The following AARS1 variants were observed in gnomAD, a reference collection of about 807,000 sequenced individuals.
AARS1 encodes the protein alanine--tRNA ligase, cytoplasmic.
AARS1 carries 72 observed loss-of-function variants against 108.9 expected under a neutral mutation model. That is an observed-to-expected ratio of 0.66 (90% CI 0.55 to 0.80). The LOEUF is 0.80. Ranked by LOEUF, AARS1 falls within the 30% of genes least tolerant of loss-of-function variation. AARS1 has a pLI of 0.00. For missense variants in AARS1, 1,193 were observed against 1,233.2 expected (o/e 0.97, Z 0.49); for synonymous variants, 489 against 465.7 (o/e 1.05, Z -0.64).
At chr16:70,266,042 T>C (rs1274030591) in intron 9 of AARS1, among the ~76,000 whole-genome samples, 8 of 145,262 alleles carry the variant, frequency 5.5e-5, no homozygotes, top group Non-Finnish European at 9.1e-5. Context: ...GGCCAGGCGC[T>C]GTGGCTCACG....
chr16:70,264,164 TG>T (rs2152157821), intron 11 of AARS1, among the ~76,000 whole-genome samples: 1 of 151,118 alleles, frequency 6.6e-6, no homozygotes, highest in East Asian at 2.1e-4. Context: ...GAGAATCGCT[TG>T]AACCCAGGAG....
Position 70,279,670 on chromosome 16 carries a change from CA to C in AARS1, c.145-2517del, listed in dbSNP as rs367753826. On this transcript the variant is annotated intron_variant, in intron 2 of 20. Transcript: ENST00000261772. Reference sequence around the variant, plus strand: ...AGCAAAACTCTGTCTCAAAAAAAAACAAAAAAAAAAAAAAAAAGAAAAGTTT... The same window carrying C: ...AGCAAAACTCTGTCTCAAAAAAAAACAAAAAAAAAAAAAAAAGAAAAGTTT... Among the ~76,000 whole-genome samples, 754 of 114,572 alleles carry C rather than the reference CA, an allele frequency of 6.6e-3. 8 individuals carry two copies. The highest frequency in any genetic ancestry group is 0.021 in the African/African-American group (653 of 30,490). 75.2% of individuals were successfully genotyped at this position (114,572 alleles called of 152,430 possible). A position where few individuals can be genotyped will look rare whatever the true frequency, so the allele number is the denominator to read the frequency against.
Position 70,271,857 on chromosome 16 carries a change from C to T in AARS1, c.595G>A (p.Asp199Asn). ...TCCTGGTTGACAAGATGTGCGGCGT[C>T]CCGACCACCAATCCGGTCGTAGTGG... ...EIHYDRIGGR[D>N]AAHLVNQDDP... The change falls in exon 5 of 21, where the codon GAC becomes AAC. Residue 199 changes from aspartate to asparagine, a missense_variant. Transcript: ENST00000261772. 6.2e-7 allele frequency: 1 copy of T among 1,614,168 alleles called. No homozygotes were observed. Among genetic ancestry groups the T allele is most frequent in the Non-Finnish European group, 8.5e-7 (1 of 1,180,034 alleles).
intron 19 of AARS1, 39 bp from the exon 20 acceptor site, chr16:70,253,420 A>G: frequency 6.6e-7 from 1 of 1,504,012 alleles, no homozygotes. Context: ...GTGCTGGAGC[A>G]GGGACCCTCA....
At chr16:70,257,506 C>T (rs1960020268) in intron 15 of AARS1, among the ~76,000 whole-genome samples, 1 of 152,210 alleles carries the variant, frequency 6.6e-6, no homozygotes, top group African/African-American at 2.4e-5. Context: ...CCCAAAAAGG[C>T]CCAGAGAGAT....
At position 70,255,820 on chromosome 16, in the gene AARS1, T is replaced by G; in HGVS notation, c.2194A>C (p.Ser732Arg). 6.2e-7 allele frequency: 1 copy of G among 1,613,882 alleles called. No homozygotes were observed. Among genetic ancestry groups the G allele is most frequent in the Non-Finnish European group, 8.5e-7 (1 of 1,179,918 alleles). ...ACGATCACAAAAGCTCCTGCATGAC[T>G]CGAGTTCCGCAGGTGCCTGAATGGC... ...FCGGTHLRNSSHAGAFVIVTE... is the reference protein window; with the variant it reads ...FCGGTHLRNSRHAGAFVIVTE... The change falls in exon 16 of 21, where the codon AGT (serine) becomes CGT (arginine). Residue 732 changes from serine to arginine, a missense_variant. Ser to Arg is a moderately radical substitution (Grantham distance 110). Coordinates refer to ENST00000261772, the MANE Select transcript of AARS1 (RefSeq NM_001605.3).
intron 12 of AARS1, 143 bp from the exon 13 acceptor site, chr16:70,261,300 A>C: frequency 1.7e-6 from 1 of 600,632 alleles, no homozygotes; most frequent in African/African-American, 1.8e-5. Context: ...AATATCATTA[A>C]ATATGATTAA....
At chr16:70,254,879 T>G in intron 16 of AARS1, 145 bp from the exon 17 acceptor site, 1 of 669,958 alleles carries the variant, frequency 1.5e-6, no homozygotes, top group South Asian at 1.5e-5. Context: ...GAGTAGGTGC[T>G]GGCAGCCCCA....
At chr16:70,277,777 A>C (rs1389121307) in intron 2 of AARS1, among the ~76,000 whole-genome samples, 1 of 129,704 alleles carries the variant, frequency 7.7e-6, no homozygotes, top group Non-Finnish European at 1.6e-5. Flanking sequence ...TTTTTTTTTG[A>C]GATGGGTCAC....
At chr16:70,271,060 G>A (rs1314267536) in intron 5 of AARS1, among the ~76,000 whole-genome samples, 1 of 151,588 alleles carries the variant, frequency 6.6e-6, no homozygotes, top group East Asian at 2.0e-4. Context: ...GCTGAGGCAG[G>A]AGAACTCAGC....
At chr16:70,269,187 G>C (rs1960333409) in intron 7 of AARS1, among the ~76,000 whole-genome samples, 1 of 152,064 alleles carries the variant, frequency 6.6e-6, no homozygotes, top group Non-Finnish European at 1.5e-5. Context: ...AGGCATGGTG[G>C]CTCATGCCTG....
chr16:70,270,244 G>T lies in AARS1; in HGVS notation c.768C>A (p.Ser256=). The change falls in exon 6 of 21, where the codon TCC becomes TCA. Residue 256 remains serine, a synonymous_variant. Coordinates refer to ENST00000261772, the MANE Select transcript of AARS1 (RefSeq NM_001605.3). ...RLVSVLQNKM[S]NYDTDLFVPY... is the part of the protein sequence containing the mutation. ...GGACAAAAAGGTCAGTGTCATAGTT[G>T]GACATCTTATTCTGCAGCACAGATA... 1.9e-6 allele frequency: 3 copies of T among 1,614,152 alleles called. No homozygotes were observed. Among genetic ancestry groups the T allele is most frequent in the Non-Finnish European group, 2.5e-6 (3 of 1,180,030 alleles).
intron 2 of AARS1, among the ~76,000 whole-genome samples, chr16:70,282,362 G>T (rs931665706): frequency 7.0e-6 from 1 of 143,480 alleles, no homozygotes; most frequent in Non-Finnish European, 1.5e-5. Context: ...GCTAATGTTT[G>T]AGTACCTACG....
Position 70,269,614 on chromosome 16 carries a change from T to G in AARS1, c.962+4A>C, listed in dbSNP as rs760922002. ...AAACACCACCCAGTGTGCAGCATAC[T>G]TACCCACGCCCTGTGTTGTCAGGCC... On this transcript the variant is annotated splice_donor_region_variant and intron_variant, in intron 7 of 20. Coordinates refer to ENST00000261772, the MANE Select transcript of AARS1 (RefSeq NM_001605.3). 6 of 1,613,766 alleles carry G rather than the reference T, an allele frequency of 3.7e-6. No individual in the cohort carries two copies. In the African/African-American group the frequency reaches 8.0e-5, roughly 22 times the overall value.
At position 70,252,456 on chromosome 16, in the gene AARS1, G is replaced by T. The variant is rs1959863415; in HGVS notation, c.*265C>A. The stretch of plus-strand genomic sequence containing the variant: ...CCTACTTGCTGACGCGGAAAGCTCA[G>T]GTCTGGAGAGCCGTTATCTATAGAT... On this transcript the variant is annotated 3_prime_UTR_variant, in exon 21 of 21. Coordinates refer to ENST00000261772, the MANE Select transcript of AARS1 (RefSeq NM_001605.3). The T allele has an allele frequency of 5.5e-6, 3 of 542,262 alleles. No homozygotes were observed. The highest frequency in any genetic ancestry group is 3.8e-5 in the African/African-American group (2 of 52,800). 33.6% of individuals were successfully genotyped at this position (542,262 alleles called of 1,614,324 possible).
chr16:70,261,230 A>AAG, intron 12 of AARS1, 73 bp from the exon 13 acceptor site: 2 of 1,094,214 alleles, frequency 1.8e-6, no homozygotes, highest in Non-Finnish European at 2.7e-6. Flanking sequence ...TTTTCAATAT[A>AAG]AACTCGTGTA....
rs540550638 is a variant in AARS1, at chr16:70,252,540, G to A, written c.*181C>T. On this transcript the variant is annotated 3_prime_UTR_variant, in exon 21 of 21. Transcript: ENST00000261772. ...GTGGTTCTAGACCGATGGCACTGACGTGGAGGGCTCAGGGCAGAAATTTAA... is the reference window on the plus strand; with the variant it reads ...GTGGTTCTAGACCGATGGCACTGACATGGAGGGCTCAGGGCAGAAATTTAA... The A allele has an allele frequency of 1.5e-5, 10 of 661,920 alleles. No individual in the cohort carries two copies. Among genetic ancestry groups the A allele is most frequent in the South Asian group, 3.5e-5 (2 of 56,602 alleles). The allele number at this position is 661,920 out of a possible 1,614,324, so 41.0% of individuals were successfully genotyped here. A position where few individuals can be genotyped will look rare whatever the true frequency, so the allele number is the denominator to read the frequency against.
In AARS1 at chr16:70,276,626, C is replaced by T; in HGVS notation, c.339G>A (p.Leu113=). 1 of 1,613,894 alleles carries T rather than the reference C, an allele frequency of 6.2e-7. No homozygotes were observed. The highest frequency in any genetic ancestry group is 8.5e-7 in the Non-Finnish European group (1 of 1,180,014). The change falls in exon 4 of 21, where the codon TTG becomes TTA. Residue 113 remains leucine (L), a synonymous_variant. Coordinates refer to ENST00000261772, the MANE Select transcript of AARS1 (RefSeq NM_001605.3). ...SWSFGDYFKE[L]ACKMALELLT... ...GGAGTTCCAGAGCCATCTTACATGC[C>T]AATTCCTACAAAAAGAACAGAGAGA...
At chr16:70,262,602 A>G (rs1048225068) in intron 11 of AARS1, 78 bp from the exon 12 acceptor site, 1 of 1,427,280 alleles carries the variant, frequency 7.0e-7, no homozygotes, top group East Asian at 2.4e-5. Context: ...CTTTTGCTGG[A>G]TTCTCTTTCG....
Sources: gnomAD v4.1 joint callset for allele counts (sites outside exome capture counted in the v4.1 genomes callset) on GRCh38, gnomAD v4.1.1 for gene constraint, MANE v1.5 for transcripts, NCBI Gene and HGNC (gene_info 2026-07-23, HGNC 2026-07-21) for gene names.